Variants in CALCR observed in about 807,000 individuals in gnomAD.
CALCR encodes the protein calcitonin receptor.
Under a neutral mutation model 59.5 loss-of-function variants are expected in CALCR, and 47 were observed. The ratio of observed to expected loss-of-function variants is 0.79; its 90% CI spans 0.63 to 1.01. The LOEUF is 1.01. CALCR is among the 50% of genes least tolerant of loss of function. The pLI, the probability that CALCR is intolerant of heterozygous loss-of-function variation, is 0.00. For synonymous variants in CALCR, 213 were observed against 211.3 expected, an observed-to-expected ratio of 1.01 and a Z score of -0.07; for missense variants, 566 against 597.1, an observed-to-expected ratio of 0.95 and a Z score of 0.54.
At chr7:93,442,926 G>C (rs1319453210) in intron 9 of CALCR, among the ~76,000 whole-genome samples, 1 of 152,122 alleles carries the variant, frequency 6.6e-6, no homozygotes, top group Non-Finnish European at 1.5e-5. Context: ...TCCACCAGGG[G>C]GAGCTGGACT....
intron 9 of CALCR, among the ~76,000 whole-genome samples, chr7:93,441,999 GA>G (rs1407362788): frequency 2.0e-5 from 3 of 152,158 alleles, no homozygotes; most frequent in African/African-American, 7.2e-5. Context: ...GCCTGGAACA[GA>G]AACATGTGTA....
intron 7 of CALCR, among the ~76,000 whole-genome samples, chr7:93,465,830 CT>C (rs1429041712): frequency 6.6e-6 from 1 of 151,866 alleles, no homozygotes; most frequent in Non-Finnish European, 1.5e-5. Context: ...TAAAGGCATG[CT>C]TTAATAAACT....
chr7:93,455,008 G>C (rs1800182385), intron 8 of CALCR, among the ~76,000 whole-genome samples: 2 of 151,506 alleles, frequency 1.3e-5, no homozygotes, highest in Admixed American at 1.3e-4. Context: ...TATAGAAATA[G>C]TGTGACAACA....
intron 2 of CALCR, among the ~76,000 whole-genome samples, chr7:93,545,030 T>C (rs1435409027): frequency 5.3e-5 from 8 of 152,084 alleles, no homozygotes; most frequent in African/African-American, 1.9e-4. Flanking sequence ...TCTATGGTAC[T>C]ACTGCTTGGA....
At chr7:93,427,089 C>T (rs1799546467) in intron 13 of CALCR, among the ~76,000 whole-genome samples, 1 of 152,164 alleles carries the variant, frequency 6.6e-6, no homozygotes, top group Admixed American at 6.5e-5. Flanking sequence ...TGGGTTATGC[C>T]AGATACATCT....
chr7:93,490,242 T>C (rs895495031), intron 2 of CALCR, among the ~76,000 whole-genome samples: 3 of 151,920 alleles, frequency 2.0e-5, no homozygotes, highest in African/African-American at 4.8e-5. Flanking sequence ...AGACTAGGTA[T>C]TGATGGAACA....
At chr7:93,539,551 G>T (rs1789076456) in intron 2 of CALCR, among the ~76,000 whole-genome samples, 1 of 151,924 alleles carries the variant, frequency 6.6e-6, no homozygotes, top group African/African-American at 2.4e-5. Context: ...GTATTCTTTG[G>T]TCAATTACAC....
intron 2 of CALCR, among the ~76,000 whole-genome samples, chr7:93,500,407 G>A (rs1476310869): frequency 6.6e-5 from 10 of 151,910 alleles, no homozygotes; most frequent in African/African-American, 2.4e-4. Context: ...AAGGACATCT[G>A]GGGTGTTGTT....
At chr7:93,507,325 A>G (rs190007760) in intron 2 of CALCR, among the ~76,000 whole-genome samples, 2 of 152,224 alleles carry the variant, frequency 1.3e-5, no homozygotes, top group Admixed American at 1.3e-4. Flanking sequence ...GTCAAGTGTT[A>G]TATGTCAGTT....
intron 2 of CALCR, among the ~76,000 whole-genome samples, chr7:93,530,756 T>C (rs1257139301): frequency 6.6e-6 from 1 of 152,144 alleles, no homozygotes; most frequent in Non-Finnish European, 1.5e-5. Flanking sequence ...TATTACATCC[T>C]TATATAAATT....
chr7:93,457,158 C>G (rs6965067), intron 8 of CALCR, among the ~76,000 whole-genome samples: 19,321 of 152,082 alleles, frequency 0.13, 2,547 homozygotes, highest in African/African-American at 0.32. Flanking sequence ...AATAGAGTAA[C>G]AGATTTGTTG....
At chr7:93,550,622 C>CACAT (rs1174319159) in intron 2 of CALCR, among the ~76,000 whole-genome samples, 3 of 146,598 alleles carry the variant, frequency 2.0e-5, no homozygotes, top group African/African-American at 7.4e-5. Context: ...CACACACACA[C>CACAT]ACACACACAC....
At chr7:93,570,122 A>C (rs997322789) in intron 2 of CALCR, among the ~76,000 whole-genome samples, 1 of 152,176 alleles carries the variant, frequency 6.6e-6, no homozygotes, top group East Asian at 1.9e-4. Context: ...TTTCTACCTG[A>C]CTTGGATAGG....
intron 2 of CALCR, among the ~76,000 whole-genome samples, chr7:93,544,493 A>G (rs1789231151): frequency 1.3e-5 from 2 of 152,188 alleles, no homozygotes. Flanking sequence ...AAGAATTTTA[A>G]AACATCTTAG....
At chr7:93,467,996 T>A (rs1376074635) in intron 7 of CALCR, among the ~76,000 whole-genome samples, 1 of 151,674 alleles carries the variant, frequency 6.6e-6, no homozygotes, top group East Asian at 1.9e-4. Context: ...TGAACATACT[T>A]GAGAAATCCA....
At chr7:93,478,323 T>C (rs1414091675) in intron 4 of CALCR, among the ~76,000 whole-genome samples, 1 of 151,864 alleles carries the variant, frequency 6.6e-6, no homozygotes, top group African/African-American at 2.4e-5. Flanking sequence ...AAACTAAAAC[T>C]TGAACTATTT....
chr7:93,544,061 C>T (rs1372457705), intron 2 of CALCR, among the ~76,000 whole-genome samples: 1 of 151,762 alleles, frequency 6.6e-6, no homozygotes, highest in East Asian at 1.9e-4. Flanking sequence ...TAACTTACGA[C>T]CAATCATGAC....
chr7:93,498,409 A>G (rs1243243221), intron 2 of CALCR, among the ~76,000 whole-genome samples: 2 of 151,624 alleles, frequency 1.3e-5, no homozygotes, highest in Non-Finnish European at 3.0e-5. Context: ...CCAAATGGCT[A>G]TTATTAATGG....
chr7:93,471,283 T>C (rs576816614), intron 6 of CALCR, among the ~76,000 whole-genome samples: 261 of 151,904 alleles, frequency 1.7e-3, no homozygotes, highest in Non-Finnish European at 2.8e-3. Flanking sequence ...CTCTGTGACA[T>C]AGCTTATTAA....
Sources: allele counts gnomAD v4.1 joint callset (sites outside exome capture counted in the v4.1 genomes callset), GRCh38; gene constraint gnomAD v4.1.1; transcripts MANE v1.5; gene names NCBI Gene and HGNC (gene_info 2026-07-23, HGNC 2026-07-21).